EVL: variants seen among roughly 807,000 people sequenced by gnomAD.
EVL encodes ena/VASP-like protein.
In EVL, 21 loss-of-function variants were observed where a neutral mutation model predicts 59.6. The observed-to-expected ratio is 0.35, with a 90% CI of 0.25 to 0.51. The LOEUF (loss-of-function observed/expected upper bound fraction) is 0.51, where lower values mean the gene tolerates loss of function less well. EVL is among the 20% of genes least tolerant of loss of function. The pLI is 0.97. For missense variants in EVL, 462 were observed against 546.6 expected, an observed-to-expected ratio of 0.85 and a Z score of 1.54; for synonymous variants, 198 against 203.5, an observed-to-expected ratio of 0.97 and a Z score of 0.23.
chr14:100,056,013 T>C (rs182094884), intron 1 of EVL, among the ~76,000 whole-genome samples: 3 of 152,182 alleles, frequency 2.0e-5, no homozygotes, highest in African/African-American at 2.4e-5. Flanking sequence ...GGTTTCACCA[T>C]GTTGGCCGGG....
intron 2 of EVL, among the ~76,000 whole-genome samples, chr14:100,090,900 T>G (rs1473680578): frequency 3.3e-5 from 5 of 152,188 alleles, no homozygotes; most frequent in African/African-American, 1.2e-4. Flanking sequence ...ATTTAGCAGT[T>G]GGAAAGGAAG....
chr14:100,096,646 ATCTT>A (rs1430974458), intron 2 of EVL, among the ~76,000 whole-genome samples: 1 of 152,254 alleles, frequency 6.6e-6, no homozygotes, highest in Non-Finnish European at 1.5e-5. Flanking sequence ...CAGCCCCAGC[ATCTT>A]TTCCTCCAGG....
chr14:100,133,880 T>G (rs145363636), intron 8 of EVL, among the ~76,000 whole-genome samples: 1,738 of 152,278 alleles, frequency 0.011, 10 homozygotes, highest in Non-Finnish European at 0.019. Flanking sequence ...GAGGTTGTAG[T>G]GAGCAGAGAT....
At chr14:100,043,414 C>G in intron 1 of EVL, among the ~76,000 whole-genome samples, 1 of 147,510 alleles carries the variant, frequency 6.8e-6, no homozygotes, top group African/African-American at 2.5e-5. Flanking sequence ...CGCTGGAGAC[C>G]CAGGGAAGCA....
intron 1 of EVL, among the ~76,000 whole-genome samples, chr14:100,048,877 A>AT (rs1158660542): frequency 1.3e-5 from 2 of 152,202 alleles, no homozygotes; most frequent in African/African-American, 4.8e-5. Context: ...TTAACATGAC[A>AT]TTTTCCTAAA....
In EVL at chr14:100,019,000, C is replaced by T. The variant is rs977876986; in HGVS notation, c.5+46943C>T. ...ATGAATAATCAAATAAATGAGATCA[C>T]TAATAAGGAGTGACATGTAAGGTCA... On this transcript the variant is annotated intron_variant, in intron 1 of 13. Transcript: ENST00000402714. 9.2e-5 allele frequency among the ~76,000 whole-genome samples: 14 copies of T among 152,238 alleles called. 1 individual carries two copies. Among genetic ancestry groups the T allele is most frequent in the Non-Finnish European group, 1.3e-4 (9 of 68,018 alleles).
chr14:100,137,777 C>T lies in EVL; in HGVS notation c.1069C>T (p.Pro357Ser). Reference sequence around the variant, plus strand: ...GGCAAAGAGCCCCGAAGCTAAGAGCCCCCTTCAGTCGCAGCCTCACTCTAG... The same window carrying T: ...GGCAAAGAGCCCCGAAGCTAAGAGCTCCCTTCAGTCGCAGCCTCACTCTAG... ...SVAKSPEAKSPLQSQPHSRMK... is the reference protein window; with the variant it reads ...SVAKSPEAKSSLQSQPHSRMK... The change falls in exon 11 of 14, where the codon CCC becomes TCC. Residue 357 changes from proline to serine, a missense_variant. Physicochemically the swap from Pro to Ser is moderately conservative, Grantham distance 74 (BLOSUM62 -1). Transcript: ENST00000392920. 6.2e-7 allele frequency: 1 copy of T among 1,614,130 alleles called. No individual in the cohort carries two copies. The highest frequency in any genetic ancestry group is 8.5e-7 in the Non-Finnish European group (1 of 1,180,030).
chr14:100,070,862 T>A (rs2062034728), intron 1 of EVL, among the ~76,000 whole-genome samples: 1 of 152,220 alleles, frequency 6.6e-6, no homozygotes, highest in Admixed American at 6.5e-5. Context: ...AATTTTGAGA[T>A]GAAGACACAG....
chr14:100,015,140 T>G (rs1192699281), intron 1 of EVL, among the ~76,000 whole-genome samples: 2 of 152,218 alleles, frequency 1.3e-5, no homozygotes, highest in African/African-American at 4.8e-5. Flanking sequence ...AAATGTTGAT[T>G]GTAAGGTCTC....
intron 1 of EVL, among the ~76,000 whole-genome samples, chr14:99,990,026 A>C (rs1023287449): frequency 6.6e-6 from 1 of 152,198 alleles, no homozygotes; most frequent in Non-Finnish European, 1.5e-5. Flanking sequence ...CCAAGAATTA[A>C]AATATGGCAA....
At chr14:99,988,710 A>G (rs2060856660) in intron 1 of EVL, among the ~76,000 whole-genome samples, 1 of 152,266 alleles carries the variant, frequency 6.6e-6, no homozygotes, top group Non-Finnish European at 1.5e-5. Context: ...ATGGATAAAC[A>G]AAATGTGGTA....
intron 1 of EVL, among the ~76,000 whole-genome samples, chr14:100,068,363 AAC>A (rs1431901828): frequency 6.6e-6 from 1 of 152,250 alleles, no homozygotes; most frequent in Non-Finnish European, 1.5e-5. Context: ...TATCAGGCCC[AAC>A]GGCAAAGCCT....
intron 3 of EVL, among the ~76,000 whole-genome samples, chr14:100,121,953 C>A (rs967732878): frequency 6.6e-6 from 1 of 152,206 alleles, no homozygotes; most frequent in Admixed American, 6.5e-5. Context: ...CCCAGAAGGA[C>A]AAAATCCAGA....
At chr14:100,041,149 C>G (rs2140233048) in intron 1 of EVL, among the ~76,000 whole-genome samples, 2 of 152,186 alleles carry the variant, frequency 1.3e-5, no homozygotes, top group East Asian at 3.9e-4. Context: ...TTCCTCTTCC[C>G]CCATTCCTTT....
chr14:99,976,035 G>GT (rs2060768156), intron 1 of EVL, among the ~76,000 whole-genome samples: 1 of 151,452 alleles, frequency 6.6e-6, no homozygotes, highest in African/African-American at 2.4e-5. Flanking sequence ...TTTCTTTTTT[G>GT]TTTTTTATTT....
chr14:100,046,938 A>G (rs1312932470), intron 1 of EVL, among the ~76,000 whole-genome samples: 1 of 150,732 alleles, frequency 6.6e-6, no homozygotes, highest in Non-Finnish European at 1.5e-5. Flanking sequence ...TATTTTTAGT[A>G]GAGATGGGGT....
At chr14:100,048,120 G>A (rs1323288309) in intron 1 of EVL, among the ~76,000 whole-genome samples, 2 of 152,056 alleles carry the variant, frequency 1.3e-5, no homozygotes, top group Non-Finnish European at 2.9e-5. Context: ...AGGATAAATT[G>A]GACTTCATCA....
intron 1 of EVL, among the ~76,000 whole-genome samples, chr14:99,995,880 C>A (rs1355877616): frequency 6.6e-6 from 1 of 152,148 alleles, no homozygotes; most frequent in Non-Finnish European, 1.5e-5. Context: ...CGATTTCCAT[C>A]TGTGGTACTG....
chr14:100,030,844 T>G (rs2061303254), intron 1 of EVL, among the ~76,000 whole-genome samples: 1 of 152,224 alleles, frequency 6.6e-6, no homozygotes, highest in Non-Finnish European at 1.5e-5. Context: ...GCAGTGCTTC[T>G]GTACTCAGGC....
Sources: gnomAD v4.1 joint callset for allele counts (sites outside exome capture counted in the v4.1 genomes callset) on GRCh38, gnomAD v4.1.1 for gene constraint, MANE v1.5 for transcripts, NCBI Gene and HGNC (gene_info 2026-07-23, HGNC 2026-07-21) for gene names.